MALRD1: variants seen among roughly 807,000 people sequenced by gnomAD.
MALRD1 encodes MAM and LDL-receptor class A domain-containing protein 1.
A neutral mutation model predicts 242.1 loss-of-function variants in MALRD1; 247 were observed. That is an observed-to-expected ratio of 1.02 (90% CI 0.92 to 1.13). The LOEUF is 1.13. Among genes scored for constraint, MALRD1 ranks in the 50% most tolerant of loss-of-function variants. The pLI is 0.00. For missense variants in MALRD1, 2,989 were observed against 2,533.1 expected, an observed-to-expected ratio of 1.18 and a Z score of -3.86; for synonymous variants, 995 against 866.6, an observed-to-expected ratio of 1.15 and a Z score of -2.60.
intron 5 of MALRD1, among the ~76,000 whole-genome samples, chr10:19,117,094 CAAA>C (rs35620225): frequency 9.9e-5 from 7 of 70,894 alleles, no homozygotes; most frequent in African/African-American, 9.8e-5. Context: ...GACTCTGTCT[CAAA>C]AAAAAAAAAA....
In MALRD1 at chr10:19,128,239, G is replaced by T. The variant is rs1837343070; in HGVS notation, c.962G>T (p.Gly321Val). Residue 321 changes from glycine (G) to valine (V), a missense_variant, in exon 8 of 40, where the codon GGC (glycine) becomes GTC (valine). Gly to Val is a moderately radical substitution (Grantham distance 109, BLOSUM62 -3). Coordinates refer to ENST00000454679, the MANE Select transcript of MALRD1 (RefSeq NM_001142308.3). The part of the protein sequence containing the change: ...GDDEGYYVWV[G>V]AKHGFTLNHL... ...CTTTCAGGTTATTATGTATGGGTAGGCGCTAAGCATGGTTTCACTCTTAAC... is the reference window on the plus strand; with the variant it reads ...CTTTCAGGTTATTATGTATGGGTAGTCGCTAAGCATGGTTTCACTCTTAAC... 1.6e-6 allele frequency: 2 copies of T among 1,233,384 alleles called. No homozygotes were observed. The highest frequency in any genetic ancestry group is 2.0e-6 in the Non-Finnish European group (2 of 987,812). 76.4% of individuals were successfully genotyped at this position (1,233,384 alleles called of 1,614,324 possible).
At chr10:19,138,605 G>A (rs1280080652) in intron 10 of MALRD1, among the ~76,000 whole-genome samples, 1 of 151,738 alleles carries the variant, frequency 6.6e-6, no homozygotes, top group African/African-American at 2.4e-5. Context: ...ATTTTTAGTA[G>A]TGACAGGTTT....
intron 33 of MALRD1, among the ~76,000 whole-genome samples, chr10:19,587,961 A>G (rs1837527702): frequency 6.6e-6 from 1 of 150,784 alleles, no homozygotes; most frequent in Non-Finnish European, 1.5e-5. Flanking sequence ...AAGATCTAGT[A>G]GAAAACAAAA....
chr10:19,557,969 C>A (rs1227305124), intron 32 of MALRD1, among the ~76,000 whole-genome samples: 3 of 151,846 alleles, frequency 2.0e-5, no homozygotes, highest in East Asian at 3.9e-4. Flanking sequence ...ATATCATGTA[C>A]TTTTTTGTTA....
chr10:19,184,305 T>C (rs755385712), intron 14 of MALRD1, among the ~76,000 whole-genome samples: 1 of 152,204 alleles, frequency 6.6e-6, no homozygotes, highest in African/African-American at 2.4e-5. Context: ...AGAAGGCAGA[T>C]GAGGAGTGAG....
intron 38 of MALRD1, among the ~76,000 whole-genome samples, chr10:19,718,303 A>G (rs779785690): frequency 2.6e-5 from 4 of 152,316 alleles, no homozygotes; most frequent in Non-Finnish European, 4.4e-5. Flanking sequence ...TTGGCTCACA[A>G]TTCTGCAAGC....
rs899827797 is a variant in MALRD1 at position 19,707,111 on chromosome 10, C to T, written c.6314+14557C>T. ...TCCTCCTCTTCCTCCCTTCTTCTTC[C>T]TTTTCCTCCTCCTTTCTTCTTCTTC... On this transcript the variant is annotated intron_variant, in intron 38 of 39. Transcript: ENST00000454679. 2.7e-5 allele frequency among the ~76,000 whole-genome samples: 4 copies of T among 148,788 alleles called. No homozygotes were observed. In the East Asian group the frequency reaches 8.0e-4, roughly 30 times the overall value.
chr10:19,446,880 A>G (rs1018699324), intron 28 of MALRD1, among the ~76,000 whole-genome samples: 1 of 152,186 alleles, frequency 6.6e-6, no homozygotes, highest in South Asian at 2.1e-4. Context: ...GTCCCTCAGC[A>G]GTGGCAAAAT....
intron 18 of MALRD1, among the ~76,000 whole-genome samples, chr10:19,226,273 G>A (rs1588725165): frequency 6.6e-6 from 1 of 152,232 alleles, no homozygotes; most frequent in East Asian, 1.9e-4. Flanking sequence ...TTTACAAAAT[G>A]TAGCAAATTT....
chr10:19,336,601 T>C (rs934446943), intron 24 of MALRD1, among the ~76,000 whole-genome samples: 9 of 152,164 alleles, frequency 5.9e-5, no homozygotes, highest in Admixed American at 2.0e-4. Context: ...TCTAGGAAAC[T>C]CCTGTTGTTT....
intron 32 of MALRD1, among the ~76,000 whole-genome samples, chr10:19,534,709 G>T (rs10764053): frequency 0.37 from 55,776 of 151,924 alleles, 11,778 homozygotes; most frequent in Non-Finnish European, 0.48. Context: ...TAAAGAAACA[G>T]ATATTCATTG....
At chr10:19,333,515 T>C (rs1366580350) in intron 24 of MALRD1, among the ~76,000 whole-genome samples, 1 of 152,180 alleles carries the variant, frequency 6.6e-6, no homozygotes, top group African/African-American at 2.4e-5. Context: ...CCGTGGTGTA[T>C]ATGTAACAGA....
At chr10:19,071,493 G>A (rs1835147087) in intron 2 of MALRD1, among the ~76,000 whole-genome samples, 1 of 152,022 alleles carries the variant, frequency 6.6e-6, no homozygotes, top group Non-Finnish European at 1.5e-5. Context: ...AATTTGCTGT[G>A]ATCCCTTCAC....
At chr10:19,165,178 C>G (rs969960006) in intron 12 of MALRD1, among the ~76,000 whole-genome samples, 1 of 144,404 alleles carries the variant, frequency 6.9e-6, no homozygotes, top group Non-Finnish European at 1.5e-5. Flanking sequence ...CTGCCCATGA[C>G]TGGGTTACAC....
At chr10:19,586,263 T>C (rs1195164450) in intron 33 of MALRD1, among the ~76,000 whole-genome samples, 2 of 152,240 alleles carry the variant, frequency 1.3e-5, no homozygotes, top group East Asian at 1.9e-4. Context: ...GTTCTGTTGC[T>C]GGTGAGGAAC....
At chr10:19,408,518 A>C (rs960831509) in intron 28 of MALRD1, among the ~76,000 whole-genome samples, 14 of 152,208 alleles carry the variant, frequency 9.2e-5, no homozygotes, top group African/African-American at 3.4e-4. Context: ...ACTCCATTAA[A>C]TAATCGGTGA....
chr10:19,183,919 C>G (rs1252613712), intron 14 of MALRD1, among the ~76,000 whole-genome samples: 1 of 152,272 alleles, frequency 6.6e-6, no homozygotes, highest in Middle Eastern at 3.4e-3. Flanking sequence ...GTCTCTCTCT[C>G]TCTGCCAGTT....
intron 1 of MALRD1, among the ~76,000 whole-genome samples, chr10:19,056,204 G>GT (rs940210717): frequency 4.0e-5 from 6 of 151,100 alleles, no homozygotes; most frequent in East Asian, 1.9e-4. Flanking sequence ...ATGGATTTAA[G>GT]TTTTTTTTTC....
rs919314215 is a variant in MALRD1, at chr10:19,205,062, T to A, written c.2375T>A (p.Leu792Gln). The A allele has an allele frequency of 3.2e-6, 5 of 1,550,664 alleles. No homozygotes were observed. The African/African-American group carries it at 5.5e-5, about 17-fold the overall frequency. The change falls in exon 17 of 40, where the codon CTA becomes CAA. Residue 792 changes from leucine to glutamine, a missense_variant. Physicochemically the swap from Leu to Gln is moderately radical, Grantham distance 113 (BLOSUM62 -2). Transcript: ENST00000454679. ...CTTTCGCAGCCCTTCCATTTGTCAC[T>A]AGATAAAGTCAGTCTGGGCATTTAT... ...GRLSQPFHLS[L>Q]DKVSLGIYDG... is the part of the protein sequence containing the mutation.
Sources: allele counts gnomAD v4.1 joint callset (sites outside exome capture counted in the v4.1 genomes callset), GRCh38; gene constraint gnomAD v4.1.1; transcripts MANE v1.5; gene names NCBI Gene and HGNC (gene_info 2026-07-23, HGNC 2026-07-21).